Variants in N4BP2L2 observed in about 807,000 individuals in gnomAD.
The protein encoded by N4BP2L2 is NEDD4-binding protein 2-like 2.
Under a neutral mutation model 56.2 loss-of-function variants are expected in N4BP2L2, and 50 were observed. The ratio of observed to expected loss-of-function variants is 0.89; its 90% confidence interval spans 0.71 to 1.13. N4BP2L2 has a LOEUF of 1.13. N4BP2L2 is among the 50% of genes most tolerant of loss of function. N4BP2L2 has a pLI of 0.00. For synonymous variants in N4BP2L2, 203 were observed against 223.6 expected (o/e 0.91, Z 0.82); for missense variants, 689 against 693.8 (o/e 0.99, Z 0.08).
At chr13:32,511,014 T>A (rs982453407) in exon 6 of N4BP2L2, 1 of 151,788 alleles carries the variant, frequency 6.6e-6, no homozygotes, top group Non-Finnish European at 1.5e-5. Flanking sequence ...AAAAAAATAA[T>A]ACAGGGTTAC....
chr13:32,435,499 G>T (rs995893724), intron 9 of N4BP2L2, among the ~76,000 whole-genome samples: 2 of 152,206 alleles, frequency 1.3e-5, no homozygotes, highest in Admixed American at 6.5e-5. Flanking sequence ...CTCCCAAAGT[G>T]CTGGGAGTAT....
In N4BP2L2 at chr13:32,437,276, C is replaced by A. The variant is rs547979939; in HGVS notation, c.2191-871G>T. On this transcript the variant is annotated intron_variant, in intron 8 of 9. Transcript: ENST00000357505. ...TGTCTCCATGGGGAATAAGGAGAAA[C>A]AAGAAGATGAGGAAAAATGTATTTG... is the stretch of plus-strand genomic sequence containing the variant. 3.9e-5 allele frequency among the ~76,000 whole-genome samples: 6 copies of A among 152,066 alleles called. No individual in the cohort carries two copies. The South Asian group carries it at 6.2e-4, about 16-fold the overall frequency.
At chr13:32,442,484 A>G (rs2076535266) in exon 7 of N4BP2L2, 3 of 1,613,594 alleles carry the variant, frequency 1.9e-6, no homozygotes, top group Non-Finnish European at 2.5e-6. Flanking sequence ...GTGCTTGTTA[A>G]GTCTTGGCTG....
intron 6 of N4BP2L2, among the ~76,000 whole-genome samples, chr13:32,467,284 G>A (rs1566073185): frequency 6.7e-6 from 1 of 150,302 alleles, no homozygotes; most frequent in Non-Finnish European, 1.5e-5. Context: ...TTGAGACAGA[G>A]TCTCCCTCTG....
chr13:32,530,938 G>A (rs1379536525), intron 2 of N4BP2L2, among the ~76,000 whole-genome samples: 2 of 151,156 alleles, frequency 1.3e-5, no homozygotes, highest in Non-Finnish European at 2.9e-5. Context: ...GAGCTTGCAT[G>A]CTTTCTCTTT....
At chr13:32,517,876 G>C in exon 6 of N4BP2L2, 1 of 1,614,108 alleles carries the variant, frequency 6.2e-7, no homozygotes, top group Non-Finnish European at 8.5e-7. Context: ...CCCTGTGGAG[G>C]AGGAGGTCTT....
chr13:32,443,340 C>T (rs1398292613), exon 7 of N4BP2L2: 2 of 1,613,896 alleles, frequency 1.2e-6, no homozygotes, highest in East Asian at 4.5e-5. Context: ...TCTTTGGTCT[C>T]TGTTCACATA....
At chr13:32,482,013 G>C (rs548130349) in intron 6 of N4BP2L2, among the ~76,000 whole-genome samples, 1 of 152,256 alleles carries the variant, frequency 6.6e-6, no homozygotes, top group East Asian at 1.9e-4. Flanking sequence ...ATATCTTCCA[G>C]GGTGTATGGT....
intron 6 of N4BP2L2, among the ~76,000 whole-genome samples, chr13:32,463,448 G>A (rs2080575822): frequency 6.6e-6 from 1 of 152,032 alleles, no homozygotes; most frequent in Non-Finnish European, 1.5e-5. Context: ...CAGATCACCT[G>A]AGGTCAGGAG....
chr13:32,504,124 TAAAAG>T (rs1181950994), intron 6 of N4BP2L2, among the ~76,000 whole-genome samples: 2 of 152,260 alleles, frequency 1.3e-5, no homozygotes, highest in East Asian at 3.9e-4. Context: ...ACCTAAAACT[TAAAAG>T]AACCACTGAT....
chr13:32,462,395 C>T (rs1316703543), intron 6 of N4BP2L2, among the ~76,000 whole-genome samples: 1 of 152,046 alleles, frequency 6.6e-6, no homozygotes, highest in East Asian at 1.9e-4. Context: ...AAGAGCTGAT[C>T]TCATGGAGGT....
chr13:32,491,928 C>T (rs1450893005), intron 6 of N4BP2L2, among the ~76,000 whole-genome samples: 2 of 151,736 alleles, frequency 1.3e-5, no homozygotes, highest in African/African-American at 4.8e-5. Context: ...CCGCACCCGG[C>T]CGAAAAAAGT....
exon 6 of N4BP2L2, chr13:32,517,035 C>T: frequency 1.0e-6 from 1 of 972,768 alleles, no homozygotes; most frequent in South Asian, 4.8e-5. Flanking sequence ...TGTTAAGCAA[C>T]TGTCCAAAAT....
intron 6 of N4BP2L2, among the ~76,000 whole-genome samples, chr13:32,492,241 ATAT>A (rs1188718918): frequency 7.8e-6 from 1 of 128,982 alleles, no homozygotes. Context: ...CTTTTAAAAG[ATAT>A]TATTTTCTAC....
Position 32,481,118 on chromosome 13 carries a change from C to CAAAAAAAAAAAA in N4BP2L2, c.365+36727_365+36738dup, listed in dbSNP as rs60854435. ...TCAGCAACAGAGTGAGACTCTGTCT[C>CAAAAAAAAAAAA]AAAAAAAAAAAAAAAAAAAAAAAAA... is the stretch of plus-strand genomic sequence containing the variant. On this transcript the variant is annotated intron_variant, in intron 6 of 9. Transcript: ENST00000357505. 6.3e-4 allele frequency among the ~76,000 whole-genome samples: 13 copies of CAAAAAAAAAAAA among 20,716 alleles called. 1 individual carries two copies. The highest frequency in any genetic ancestry group is 2.4e-3 in the African/African-American group (13 of 5,408). The allele number at this position is 20,716 out of a possible 152,430, so 13.6% of individuals were successfully genotyped here. A position where few individuals can be genotyped will look rare whatever the true frequency, so the allele number is the denominator to read the frequency against.
Position 32,515,403 on chromosome 13 carries a change from C to CA in N4BP2L2, c.*2398dup, listed in dbSNP as rs546599540. 17 of 151,760 alleles carry CA rather than the reference C, an allele frequency of 1.1e-4. No homozygotes were observed. In the South Asian group the frequency reaches 3.5e-3, roughly 32 times the overall value. The allele number at this position is 151,760 out of a possible 1,614,324, so 9.4% of individuals were successfully genotyped here. ...TTTCAGCAAGCTATGATCACGCCAC[C>CA]ACACTCCATCCAGCCCACGTAGCAG... On this transcript the variant is annotated 3_prime_UTR_variant, in exon 6 of 6. Coordinates refer to ENST00000267068, the Ensembl canonical transcript of N4BP2L2.
In N4BP2L2 at chr13:32,500,869, T is replaced by TC. The variant is rs1240862666; in HGVS notation, c.365+16987_365+16988insG. Among the ~76,000 whole-genome samples the TC allele has an allele frequency of 9.5e-5, 14 of 147,910 alleles. No homozygotes were observed. In the South Asian group the frequency reaches 2.6e-3, roughly 28 times the overall value. On this transcript the variant is annotated intron_variant, in intron 6 of 9. Transcript: ENST00000357505. ...ACTCTGTCACTTTAGTCTTTTCTTT[T>TC]TTTTTTTTTTTTTGAGATGGAGTCT...
At chr13:32,527,595 A>C in intron 2 of N4BP2L2, 63 bp from the exon 3 acceptor site, 1 of 1,506,316 alleles carries the variant, frequency 6.6e-7, no homozygotes, top group Non-Finnish European at 8.8e-7. Flanking sequence ...GAAATAAACT[A>C]TCAGAAATAA....
chr13:32,488,386 A>G (rs946462730), intron 6 of N4BP2L2, among the ~76,000 whole-genome samples: 8 of 152,160 alleles, frequency 5.3e-5, no homozygotes, highest in African/African-American at 1.7e-4. Flanking sequence ...ATATGGAAAC[A>G]AGAGACACTG....
Sources: allele counts gnomAD v4.1 joint callset (sites outside exome capture counted in the v4.1 genomes callset), GRCh38; gene constraint gnomAD v4.1.1; transcripts MANE v1.5; gene names NCBI Gene and HGNC (gene_info 2026-07-23, HGNC 2026-07-21).